TNRC6B: variants seen among roughly 807,000 people sequenced by gnomAD.
The protein encoded by TNRC6B is trinucleotide repeat containing adaptor 6B, also known as trinucleotide repeat-containing gene 6B protein.
A neutral mutation model predicts 203.6 loss-of-function variants in TNRC6B; 52 were observed. The ratio of observed to expected loss-of-function variants is 0.26; its 90% CI spans 0.20 to 0.32. TNRC6B has a LOEUF of 0.32. Among genes scored for constraint, TNRC6B ranks in the 10% least tolerant of loss-of-function variants. The pLI, the probability that TNRC6B is intolerant of heterozygous loss-of-function variation, is 1.00. For missense variants in TNRC6B, 1,923 were observed against 2,286.2 expected (o/e 0.84, Z 3.24); for synonymous variants, 838 against 845.7 (o/e 0.99, Z 0.16).
intron 1 of TNRC6B, among the ~76,000 whole-genome samples, chr22:40,072,567 T>G (rs922083313): frequency 2.0e-5 from 3 of 152,092 alleles, no homozygotes; most frequent in Admixed American, 2.0e-4. Context: ...ACTAACTTAG[T>G]CAAGAACTGT....
rs1404351609 is a variant in TNRC6B at position 40,265,110 on chromosome 22, G to A, written c.880G>A (p.Gly294Arg). ...GAATGTGAGTGGTCAGGATAGAATT[G>A]GACCTGGCTCTGGCTTCAGCAACTT... ...WRNVSGQDRI[G>R]PGSGFSNFNP... Residue 294 changes from glycine (G) to arginine (R), a missense_variant, in exon 5 of 23, where the codon GGA becomes AGA. Transcript: ENST00000454349. 1 of 1,613,838 alleles carries A rather than the reference G, an allele frequency of 6.2e-7. No individual in the cohort carries two copies. The highest frequency in any genetic ancestry group is 1.7e-5 in the Admixed American group (1 of 60,002).
chr22:40,068,758 T>A (rs1452555189), intron 1 of TNRC6B, among the ~76,000 whole-genome samples: 1 of 151,760 alleles, frequency 6.6e-6, no homozygotes, highest in Non-Finnish European at 1.5e-5. Context: ...TCTTTTATTT[T>A]TTATTTCTAC....
chr22:40,256,015 G>A (rs925581103), intron 3 of TNRC6B, among the ~76,000 whole-genome samples: 2 of 152,122 alleles, frequency 1.3e-5, no homozygotes, highest in African/African-American at 4.8e-5. Context: ...ACCACGCCTG[G>A]CTAATTTTTT....
At chr22:40,230,317 T>C (rs1404605221) in intron 1 of TNRC6B, among the ~76,000 whole-genome samples, 1 of 147,596 alleles carries the variant, frequency 6.8e-6, no homozygotes, top group Admixed American at 6.9e-5. Flanking sequence ...AAAGACAGGT[T>C]CTCACTCTGT....
chr22:40,075,156 A>ATATATATATTTTTT, intron 1 of TNRC6B, among the ~76,000 whole-genome samples: 3 of 35,560 alleles, frequency 8.4e-5, no homozygotes, highest in African/African-American at 2.1e-4. Context: ...ATATATATAT[A>ATATATATATTTTTT]TTTTTTTTTT....
At chr22:40,186,323 C>T (rs780282826) in intron 1 of TNRC6B, among the ~76,000 whole-genome samples, 18 of 152,010 alleles carry the variant, frequency 1.2e-4, no homozygotes, top group African/African-American at 1.9e-4. Context: ...GCAACATTCC[C>T]GAACCTGGTG....
chr22:40,130,667 GT>G (rs2068533471), intron 3 of TNRC6B, among the ~76,000 whole-genome samples: 2 of 147,010 alleles, frequency 1.4e-5, no homozygotes, highest in Non-Finnish European at 3.0e-5. Context: ...GATGCCTGTA[GT>G]CCCCCGCGGG....
chr22:40,169,446 A>C (rs1212057688), intron 4 of TNRC6B, among the ~76,000 whole-genome samples: 1 of 152,000 alleles, frequency 6.6e-6, no homozygotes, highest in East Asian at 1.9e-4. Flanking sequence ...CCTATTTTTG[A>C]ATGAATTGAT....
At position 40,259,831 on chromosome 22, in the gene TNRC6B, C is replaced by T. The variant is rs528687224; in HGVS notation, c.116-2001C>T. 3.3e-5 allele frequency among the ~76,000 whole-genome samples: 5 copies of T among 152,314 alleles called. No individual in the cohort carries two copies. In the East Asian group the frequency reaches 9.6e-4, roughly 29 times the overall value. On this transcript the variant is annotated intron_variant, in intron 3 of 22. Coordinates refer to ENST00000454349, the MANE Select transcript of TNRC6B (RefSeq NM_001162501.2). Reference sequence around the variant, plus strand: ...ATTTTAGCAGTCAAAGCAGTACTACCCCCAGAGTTGGCCCTGACGTTACCC... The same window carrying T: ...ATTTTAGCAGTCAAAGCAGTACTACTCCCAGAGTTGGCCCTGACGTTACCC...
chr22:40,090,857 A>G (rs954087893), intron 1 of TNRC6B, among the ~76,000 whole-genome samples: 5 of 152,234 alleles, frequency 3.3e-5, no homozygotes, highest in Admixed American at 6.5e-5. Flanking sequence ...CTGATACAGG[A>G]ACCGGCTACA....
intron 1 of TNRC6B, among the ~76,000 whole-genome samples, chr22:40,189,616 T>C (rs1181600148): frequency 6.6e-6 from 1 of 152,176 alleles, no homozygotes; most frequent in African/African-American, 2.4e-5. Context: ...ATCTTAGTGA[T>C]GTGTATATAA....
At chr22:40,274,422 C>CTTTTTTTTTTTTTTTTTTTTTTTTT (rs374621260) in intron 7 of TNRC6B, among the ~76,000 whole-genome samples, 3 of 140,684 alleles carry the variant, frequency 2.1e-5, no homozygotes, top group African/African-American at 7.8e-5. Flanking sequence ...AATGATATCT[C>CTTTTTTTTTTTTTTTTTTTTTTTTT]TTTTTTTTTT....
chr22:40,201,580 C>T (rs1031334734), intron 1 of TNRC6B, among the ~76,000 whole-genome samples: 1 of 151,676 alleles, frequency 6.6e-6, no homozygotes, highest in African/African-American at 2.4e-5. Context: ...GGACTACAGG[C>T]GTACTCTACT....
intron 17 of TNRC6B, among the ~76,000 whole-genome samples, chr22:40,311,774 C>G (rs942847908): frequency 6.6e-6 from 1 of 152,148 alleles, no homozygotes; most frequent in Non-Finnish European, 1.5e-5. Flanking sequence ...AACTCCTGAC[C>G]TCAGGTGATC....
intron 15 of TNRC6B, among the ~76,000 whole-genome samples, chr22:40,306,182 G>A (rs1282070794): frequency 6.6e-6 from 1 of 152,080 alleles, no homozygotes; most frequent in African/African-American, 2.4e-5. Flanking sequence ...AGTCCCAGCT[G>A]CTCGGGAGGC....
chr22:40,281,045 C>CT, intron 10 of TNRC6B, 74 bp from the exon 11 acceptor site: 1 of 1,281,506 alleles, frequency 7.8e-7, no homozygotes, highest in Non-Finnish European at 1.1e-6. Context: ...GTGTTTCTCT[C>CT]TTTTCCCTTC....
In TNRC6B at chr22:40,315,287, G is replaced by A; in HGVS notation, c.4683G>A (p.Lys1561=). The A allele has an allele frequency of 6.2e-7, 1 of 1,613,756 alleles. No individual in the cohort carries two copies. Among genetic ancestry groups the A allele is most frequent in the Middle Eastern group, 1.7e-4 (1 of 6,060 alleles). The change falls in exon 20 of 23, where the codon AAG becomes AAA. Residue 1561 remains lysine (K), a synonymous_variant. Coordinates refer to ENST00000454349, the MANE Select transcript of TNRC6B (RefSeq NM_001162501.2). The part of the protein sequence containing the change: ...SFTNVHSTSA[K]FPDYKSTWSP... ...CTTAATTTTCTCTTCTTACAGCAAA[G>A]TTCCCTGATTACAAATCAACATGGT...
rs1397104700 is a variant in TNRC6B at position 40,266,772 on chromosome 22, C to G, written c.2542C>G (p.Pro848Ala). ...GSWGGPPPPP[P>A]GNVRPSNSSW... ...GTGGGGAGGCCCACCCCCACCACCT[C>G]CAGGCAACGTTCGACCTTCCAATTC... Residue 848 changes from proline to alanine, a missense_variant, in exon 5 of 23, where the codon CCA (proline) becomes GCA (alanine). Pro to Ala is a conservative substitution (Grantham distance 27). Around this residue, in one of 8 missense-constraint regions of TNRC6B, gnomAD observed 599 missense variants for 656.5 expected, o/e 0.91. Transcript: ENST00000454349. 3 of 1,613,486 alleles carry G rather than the reference C, an allele frequency of 1.9e-6. No homozygotes were observed. Among genetic ancestry groups the G allele is most frequent in the East Asian group, 4.5e-5 (2 of 44,876 alleles).
chr22:40,137,550 C>T (rs1379716601), intron 3 of TNRC6B, among the ~76,000 whole-genome samples: 1 of 152,074 alleles, frequency 6.6e-6, no homozygotes, highest in Non-Finnish European at 1.5e-5. Flanking sequence ...CACATTTCTC[C>T]GGAGAAGAGA....
Sources: gnomAD v4.1 joint callset for allele counts (sites outside exome capture counted in the v4.1 genomes callset) on GRCh38, gnomAD v4.1.1 for gene constraint, gnomAD v4.1.1 regional missense constraint, MANE v1.5 for transcripts, NCBI Gene and HGNC (gene_info 2026-07-23, HGNC 2026-07-21) for gene names.